SPOCK1: variants seen among roughly 807,000 people sequenced by gnomAD.
SPOCK1 encodes testican-1.
SPOCK1 carries 23 observed loss-of-function variants against 55.3 expected under a neutral mutation model. The observed-to-expected ratio is 0.42, with a 90% confidence interval of 0.30 to 0.59. The LOEUF is 0.59. Ranked by LOEUF, SPOCK1 falls within the 20% of genes least tolerant of loss-of-function variation. The pLI, the probability that SPOCK1 is intolerant of heterozygous loss-of-function variation, is 0.22. For missense variants in SPOCK1, 499 were observed against 552.5 expected (o/e 0.90, Z 0.97); for synonymous variants, 226 against 221.0 (o/e 1.02, Z -0.20).
At chr5:137,111,580 A>G (rs1160102535) in intron 5 of SPOCK1, among the ~76,000 whole-genome samples, 2 of 152,142 alleles carry the variant, frequency 1.3e-5, no homozygotes, top group African/African-American at 2.4e-5. Context: ...TATCAATTCT[A>G]TGATTTCCCT....
At chr5:137,132,001 TATATATATATATATATATA>T (rs1561621176) in intron 4 of SPOCK1, among the ~76,000 whole-genome samples, 2 of 54,988 alleles carry the variant, frequency 3.6e-5, no homozygotes, top group African/African-American at 1.8e-4. Context: ...TATATATATA[TATATATATATATATATATA>T]AAAAATTAGC....
chr5:137,375,495 G>T (rs1330661978), intron 2 of SPOCK1, among the ~76,000 whole-genome samples: 1 of 152,202 alleles, frequency 6.6e-6, no homozygotes, highest in African/African-American at 2.4e-5. Flanking sequence ...TCTGGATAAG[G>T]TGATAAGGTT....
intron 5 of SPOCK1, among the ~76,000 whole-genome samples, chr5:137,076,191 C>T (rs1197815576): frequency 6.6e-6 from 1 of 152,184 alleles, no homozygotes; most frequent in African/African-American, 2.4e-5. Context: ...CTCCCCTCTT[C>T]CGAACGGGGC....
intron 3 of SPOCK1, among the ~76,000 whole-genome samples, chr5:137,208,179 C>A (rs894453055): frequency 1.3e-5 from 2 of 151,950 alleles, no homozygotes; most frequent in African/African-American, 2.4e-5. Context: ...TTTCTATTTA[C>A]GAGTAGAAGG....
At chr5:137,199,091 T>C (rs1755359225) in intron 3 of SPOCK1, among the ~76,000 whole-genome samples, 1 of 152,200 alleles carries the variant, frequency 6.6e-6, no homozygotes, top group African/African-American at 2.4e-5. Context: ...ATTAACTTTT[T>C]CACTGTTTAC....
rs116534911 is a variant in SPOCK1 at position 137,224,071 on chromosome 5, C to T, written c.232+42939G>A. Among the ~76,000 whole-genome samples, 538 of 152,280 alleles carry T rather than the reference C, an allele frequency of 3.5e-3. 5 individuals are homozygous for T. The highest frequency in any genetic ancestry group is 0.012 in the African/African-American group (493 of 41,534). ...AACATTATAACAGATGCTAAACAAA[C>T]TTACTCTCCAAGGGAGAGGCTGGTT... On this transcript the variant is annotated intron_variant, in intron 3 of 10. Transcript: ENST00000394945.
At chr5:137,095,606 G>C (rs547790531) in intron 5 of SPOCK1, among the ~76,000 whole-genome samples, 1 of 152,300 alleles carries the variant, frequency 6.6e-6, no homozygotes, top group South Asian at 2.1e-4. Flanking sequence ...CAAACTCCCA[G>C]AGTAGCACCT....
chr5:137,344,749 A>C (rs971385189), intron 2 of SPOCK1, among the ~76,000 whole-genome samples: 5 of 152,268 alleles, frequency 3.3e-5, no homozygotes, highest in African/African-American at 1.2e-4. Flanking sequence ...TAAAGTATTT[A>C]GTATAAACGC....
chr5:137,128,919 G>A (rs186792032), intron 4 of SPOCK1, among the ~76,000 whole-genome samples: 1 of 152,268 alleles, frequency 6.6e-6, no homozygotes, highest in Non-Finnish European at 1.5e-5. Flanking sequence ...TAGTCTACAA[G>A]CTCAATGAGG....
chr5:137,093,704 T>C (rs1044504269), intron 5 of SPOCK1, among the ~76,000 whole-genome samples: 3 of 151,954 alleles, frequency 2.0e-5, no homozygotes, highest in African/African-American at 7.3e-5. Flanking sequence ...CCCATGACAG[T>C]CTAGGGAAAC....
intron 2 of SPOCK1, among the ~76,000 whole-genome samples, chr5:137,358,053 G>A (rs947567051): frequency 1.3e-5 from 2 of 152,104 alleles, no homozygotes; most frequent in Non-Finnish European, 2.9e-5. Context: ...CCTGAGGACT[G>A]TACCAGTCAC....
At chr5:137,242,010 T>C (rs1355842274) in intron 3 of SPOCK1, among the ~76,000 whole-genome samples, 1 of 152,210 alleles carries the variant, frequency 6.6e-6, no homozygotes. Context: ...AGTAAAATAC[T>C]GGGAACAATT....
chr5:137,103,235 C>T (rs796651902), intron 5 of SPOCK1, among the ~76,000 whole-genome samples: 5 of 152,308 alleles, frequency 3.3e-5, no homozygotes, highest in African/African-American at 9.6e-5. Flanking sequence ...ATCCACCCAC[C>T]TTGGCCTCCC....
intron 3 of SPOCK1, among the ~76,000 whole-genome samples, chr5:137,242,240 A>T (rs1045597335): frequency 7.9e-5 from 12 of 152,126 alleles, no homozygotes; most frequent in Middle Eastern, 3.2e-3. Flanking sequence ...CTCATCTTGA[A>T]TTGTAGCTCC....
At chr5:137,151,386 G>A (rs916387776) in intron 3 of SPOCK1, among the ~76,000 whole-genome samples, 6 of 152,178 alleles carry the variant, frequency 3.9e-5, no homozygotes, top group African/African-American at 1.4e-4. Flanking sequence ...AAGAACGTAC[G>A]TCTCACAGTG....
At chr5:137,274,018 T>C (rs1230821078) in intron 2 of SPOCK1, among the ~76,000 whole-genome samples, 1 of 152,214 alleles carries the variant, frequency 6.6e-6, no homozygotes, top group East Asian at 1.9e-4. Flanking sequence ...TCCTGGTCAG[T>C]CCATCCAAGC....
chr5:137,099,831 G>C (rs2127024600), intron 5 of SPOCK1, among the ~76,000 whole-genome samples: 1 of 152,184 alleles, frequency 6.6e-6, no homozygotes, highest in South Asian at 2.1e-4. Context: ...AGGTTTTGGG[G>C]CAACAGCTGC....
intron 2 of SPOCK1, among the ~76,000 whole-genome samples, chr5:137,306,567 T>C (rs2127140007): frequency 6.6e-6 from 1 of 152,294 alleles, no homozygotes; most frequent in Admixed American, 6.5e-5. Context: ...AATTATCTTT[T>C]CAATCTCTCA....
At chr5:137,189,385 C>T (rs776866304) in intron 3 of SPOCK1, among the ~76,000 whole-genome samples, 51 of 152,218 alleles carry the variant, frequency 3.4e-4, no homozygotes, top group Non-Finnish European at 4.6e-4. Flanking sequence ...GAAGCCAGTG[C>T]TCATTTACCA....
Sources: gnomAD v4.1 joint callset for allele counts (sites outside exome capture counted in the v4.1 genomes callset) on GRCh38, gnomAD v4.1.1 for gene constraint, MANE v1.5 for transcripts, NCBI Gene and HGNC (gene_info 2026-07-23, HGNC 2026-07-21) for gene names.